Variants in MBTPS1 observed in about 807,000 individuals in gnomAD.
MBTPS1 encodes membrane bound transcription factor peptidase, site 1.
Under a neutral mutation model 127.8 loss-of-function variants are expected in MBTPS1, and 94 were observed. That is an observed-to-expected ratio of 0.74 (90% CI 0.62 to 0.87). The LOEUF (loss-of-function observed/expected upper bound fraction) is 0.87. Ranked by LOEUF, MBTPS1 falls within the 40% of genes least tolerant of loss-of-function variation. MBTPS1 has a pLI of 0.00. For synonymous variants in MBTPS1, 632 were observed against 509.4 expected (o/e 1.24, Z -3.24); for missense variants, 1,636 against 1,353.2 (o/e 1.21, Z -3.28).
chr16:84,062,763 GC>G (rs1384774844), intron 19 of MBTPS1, among the ~76,000 whole-genome samples: 1 of 152,158 alleles, frequency 6.6e-6, no homozygotes, highest in Non-Finnish European at 1.5e-5. Flanking sequence ...ACATAAAGAC[GC>G]GGAGGGAAGA....
At chr16:84,090,828 T>G (rs1377640768) in intron 8 of MBTPS1, 47 bp downstream of exon 8, 1 of 1,375,700 alleles carries the variant, frequency 7.3e-7, no homozygotes, top group African/African-American at 1.4e-5. Flanking sequence ...TTTCAGTTAT[T>G]TAAGGGGGAA....
chr16:84,070,367 T>A (rs890244519), intron 13 of MBTPS1, among the ~76,000 whole-genome samples: 2 of 152,222 alleles, frequency 1.3e-5, no homozygotes, highest in Admixed American at 1.3e-4. Flanking sequence ...TTCTCTGCTG[T>A]TGTGTGGCCA....
intron 1 of MBTPS1, among the ~76,000 whole-genome samples, chr16:84,102,424 C>G (rs2086270113): frequency 6.6e-6 from 1 of 152,126 alleles, no homozygotes; most frequent in Non-Finnish European, 1.5e-5. Flanking sequence ...TTTTTATTTA[C>G]TTATTACTCA....
chr16:84,064,341 T>C (rs2085651841), intron 18 of MBTPS1, among the ~76,000 whole-genome samples: 1 of 152,112 alleles, frequency 6.6e-6, no homozygotes. Context: ...CAGGAAAAAC[T>C]GGAACACATT....
chr16:84,112,806 C>G (rs1014167598), intron 1 of MBTPS1, among the ~76,000 whole-genome samples: 5 of 151,690 alleles, frequency 3.3e-5, no homozygotes, highest in African/African-American at 9.7e-5. Context: ...GAAACCCCAT[C>G]TCTACTAAAA....
chr16:84,103,699 G>A (rs145761726), intron 1 of MBTPS1, among the ~76,000 whole-genome samples: 665 of 152,224 alleles, frequency 4.4e-3, no homozygotes, highest in Middle Eastern at 0.01. Flanking sequence ...GTGCTTCTAC[G>A]AGTAGAAAAA....
At chr16:84,106,581 A>T (rs1172099112) in intron 1 of MBTPS1, among the ~76,000 whole-genome samples, 1 of 152,200 alleles carries the variant, frequency 6.6e-6, no homozygotes, top group African/African-American at 2.4e-5. Flanking sequence ...GCCAAAGATG[A>T]AATCTGAGGA....
intron 20 of MBTPS1, chr16:84,059,693 T>C (rs958753703): frequency 4.0e-5 from 10 of 252,472 alleles, no homozygotes; most frequent in African/African-American, 1.1e-4. Context: ...CAGCACTGGC[T>C]GGTCAAACTT....
intron 1 of MBTPS1, among the ~76,000 whole-genome samples, chr16:84,103,618 C>T (rs1039757135): frequency 2.6e-5 from 4 of 152,136 alleles, no homozygotes; most frequent in African/African-American, 9.7e-5. Flanking sequence ...AAAGGTACTT[C>T]AAGCTGTAAA....
Position 84,054,390 on chromosome 16 carries a change from A to G in MBTPS1, c.*59T>C, listed in dbSNP as rs968003407. On this transcript the variant is annotated 3_prime_UTR_variant, in exon 23 of 23. Transcript: ENST00000343411. ...ACCAGCCGCCACCACAGCTCGGCTC[A>G]CCCACCAGCGCCGTCCGTGAAGGCT... 4.8e-6 allele frequency: 7 copies of G among 1,455,078 alleles called. No individual in the cohort carries two copies. Among genetic ancestry groups the G allele is most frequent in the Admixed American group, 4.6e-5 (2 of 43,478 alleles). The allele number at this position is 1,455,078 out of a possible 1,614,324, so 90.1% of individuals were successfully genotyped here.
At chr16:84,059,671 C>G (rs1434569372) in intron 20 of MBTPS1, 19 of 381,178 alleles carry the variant, frequency 5.0e-5, no homozygotes, top group Non-Finnish European at 6.9e-5. Flanking sequence ...TGAAGATGGG[C>G]AGATGTGTGC....
intron 3 of MBTPS1, 110 bp from the exon 4 acceptor site, chr16:84,095,915 T>A (rs1015681646): frequency 2.5e-6 from 2 of 808,584 alleles, no homozygotes; most frequent in East Asian, 5.1e-5. Flanking sequence ...GCCACTCTGT[T>A]TGAAGGAAAG....
At position 84,054,623 on chromosome 16, in the gene MBTPS1, G is replaced by T. The variant is rs1339738461; in HGVS notation, c.2985C>A (p.Asn995Lys). 6.2e-7 allele frequency: 1 copy of T among 1,609,716 alleles called. No individual in the cohort carries two copies. Among genetic ancestry groups the T allele is most frequent in the South Asian group, 1.1e-5 (1 of 90,578 alleles). ...CAGGAATGGTCTGGCCCACCTCCTG[G>T]TTGTAGCGGCCAGGCATGATCCCTG... Reference protein sequence around the residue: ...IPGGIMPGRYNQEVGQTIPVF... With the variant: ...IPGGIMPGRYKQEVGQTIPVF... Residue 995 changes from asparagine to lysine, a missense_variant, in exon 23 of 23, where the codon AAC becomes AAA. Physicochemically the swap from Asn to Lys is moderately conservative, Grantham distance 94. Coordinates refer to ENST00000343411, the MANE Select transcript of MBTPS1 (RefSeq NM_003791.4).
At chr16:84,074,830 G>C (rs764868569) in intron 11 of MBTPS1, 89 bp from the exon 12 acceptor site, 3 of 1,250,250 alleles carry the variant, frequency 2.4e-6, no homozygotes, top group Non-Finnish European at 2.2e-6. Context: ...TAACAAAGCA[G>C]ACCTAGCTTC....
intron 7 of MBTPS1, 60 bp from the exon 8 acceptor site, chr16:84,091,002 A>AG: frequency 1.1e-6 from 1 of 948,844 alleles, no homozygotes; most frequent in Non-Finnish European, 1.6e-6. Flanking sequence ...TAACTGTCAA[A>AG]AAAAAAAAAA....
intron 21 of MBTPS1, chr16:84,057,874 A>C (rs1335848806): frequency 1.3e-5 from 2 of 152,250 alleles, no homozygotes; most frequent in Admixed American, 6.5e-5. Context: ...GTGAACAGGT[A>C]GATAGCCAAG....
At position 84,081,734 on chromosome 16, in the gene MBTPS1, G is replaced by A. The variant is rs377381577; in HGVS notation, c.1448+13C>T. The A allele has an allele frequency of 1.3e-5, 18 of 1,363,894 alleles. No individual in the cohort carries two copies. In the Admixed American group the frequency reaches 4.7e-4, roughly 36 times the overall value. The allele number at this position is 1,363,894 out of a possible 1,614,324, so 84.5% of individuals were successfully genotyped here. On this transcript the variant is annotated intron_variant, in intron 11 of 22. Coordinates refer to ENST00000343411, the MANE Select transcript of MBTPS1 (RefSeq NM_003791.4). ...AAGGAGAGAAAGACCCATCGGCAGGGCGGTGCACTGACCTTGCCTGTGGCT... is the reference window on the plus strand; with the variant it reads ...AAGGAGAGAAAGACCCATCGGCAGGACGGTGCACTGACCTTGCCTGTGGCT...
intron 9 of MBTPS1, among the ~76,000 whole-genome samples, chr16:84,085,576 C>CCCA (rs2151158884): frequency 1.0e-5 from 1 of 97,772 alleles, no homozygotes; most frequent in East Asian, 3.4e-4. Flanking sequence ...CACCCGCCCC[C>CCCA]CCCCCAAAAA....
chr16:84,088,429 G>A (rs775608035), intron 8 of MBTPS1, among the ~76,000 whole-genome samples: 2 of 151,984 alleles, frequency 1.3e-5, no homozygotes, highest in Non-Finnish European at 2.9e-5. Context: ...GATGACTGAT[G>A]CTAGATGTTT....
Sources: allele counts gnomAD v4.1 joint callset (sites outside exome capture counted in the v4.1 genomes callset), GRCh38; gene constraint gnomAD v4.1.1; transcripts MANE v1.5; gene names NCBI Gene and HGNC (gene_info 2026-07-23, HGNC 2026-07-21).